CKAP5: variants seen among roughly 807,000 people sequenced by gnomAD.
CKAP5 encodes cytoskeleton associated protein 5.
Under a neutral mutation model 232.8 loss-of-function variants are expected in CKAP5, and 27 were observed. That is an observed-to-expected ratio of 0.12 (90% CI 0.09 to 0.16). The LOEUF (loss-of-function observed/expected upper bound fraction) is 0.16, where lower values mean the gene tolerates loss of function less well. Ranked by LOEUF, CKAP5 falls within the 10% of genes least tolerant of loss-of-function variation. The pLI, the probability that CKAP5 is intolerant of heterozygous loss-of-function variation, is 1.00. For missense variants in CKAP5, 1,838 were observed against 2,424.7 expected, an observed-to-expected ratio of 0.76 and a Z score of 5.08; for synonymous variants, 785 against 841.1, an observed-to-expected ratio of 0.93 and a Z score of 1.16.
chr11:46,757,225 G>A (rs2065117066), intron 35 of CKAP5, among the ~76,000 whole-genome samples: 1 of 151,272 alleles, frequency 6.6e-6, no homozygotes, highest in Admixed American at 6.6e-5. Context: ...TGACGCAGTG[G>A]CTCACGCCTG....
At chr11:46,746,200 A>G (rs7938264) in intron 42 of CKAP5, among the ~76,000 whole-genome samples, 152,179 of 152,276 alleles carry the variant, frequency 1, 76,041 homozygotes, top group Middle Eastern at 1. Flanking sequence ...CTAAGCATAG[A>G]ACTGATGAGA....
chr11:46,776,366 A>G lies in CKAP5; in HGVS notation c.2880T>C (p.Ala960=), dbSNP rs545239360. The G allele has an allele frequency of 1.9e-6, 3 of 1,612,210 alleles. No homozygotes were observed. Among genetic ancestry groups the G allele is most frequent in the South Asian group, 2.2e-5 (2 of 90,828 alleles). Residue 960 remains alanine (A), a synonymous_variant, in exon 24 of 44, where the codon GCT becomes GCC. Transcript: ENST00000529230. ...LGDSKNNVRA[A]ALATVNAWAE... ...CCCAAGCATTCACAGTCGCTAGGGCAGCAGCTCGAACATTGTTCTAAATGG... is the reference window on the plus strand; with the variant it reads ...CCCAAGCATTCACAGTCGCTAGGGCGGCAGCTCGAACATTGTTCTAAATGG...
intron 1 of CKAP5, among the ~76,000 whole-genome samples, chr11:46,827,382 C>T (rs760962436): frequency 6.6e-6 from 1 of 152,092 alleles, no homozygotes; most frequent in Non-Finnish European, 1.5e-5. Context: ...GAATCCTGGA[C>T]AATGATACAA....
At chr11:46,749,792 A>T (rs1415318059) in intron 42 of CKAP5, among the ~76,000 whole-genome samples, 4 of 152,016 alleles carry the variant, frequency 2.6e-5, no homozygotes, top group African/African-American at 9.7e-5. Context: ...TTTACTAAAA[A>T]TACAAAAAAT....
At chr11:46,798,562 A>T (rs2134652035) in intron 9 of CKAP5, among the ~76,000 whole-genome samples, 1 of 151,348 alleles carries the variant, frequency 6.6e-6, no homozygotes, top group Non-Finnish European at 1.5e-5. Context: ...CCTGGGCAAC[A>T]CAGCAAGACC....
intron 35 of CKAP5, among the ~76,000 whole-genome samples, chr11:46,756,586 T>C (rs2065111980): frequency 6.6e-6 from 1 of 152,198 alleles, no homozygotes; most frequent in Non-Finnish European, 1.5e-5. Context: ...TTGATGTTAC[T>C]ACCATCTAAT....
intron 13 of CKAP5, among the ~76,000 whole-genome samples, chr11:46,795,327 C>CA (rs35922652): frequency 0.15 from 20,483 of 138,626 alleles, 2,306 homozygotes; most frequent in East Asian, 0.61. Flanking sequence ...GACTCCATCT[C>CA]AAAAAAAAAA....
intron 16 of CKAP5, among the ~76,000 whole-genome samples, chr11:46,786,674 G>A (rs996600027): frequency 2.0e-5 from 3 of 152,164 alleles, no homozygotes; most frequent in Admixed American, 6.6e-5. Flanking sequence ...AAGGTCATGC[G>A]AATATTCAAG....
intron 16 of CKAP5, among the ~76,000 whole-genome samples, chr11:46,784,918 T>C (rs1213796803): frequency 6.6e-6 from 1 of 152,218 alleles, no homozygotes; most frequent in African/African-American, 2.4e-5. Context: ...ACAAGTAATA[T>C]TGCACAGAAA....
chr11:46,768,570 A>G (rs528444578), intron 26 of CKAP5, among the ~76,000 whole-genome samples: 4 of 152,298 alleles, frequency 2.6e-5, no homozygotes, highest in African/African-American at 4.8e-5. Flanking sequence ...GTACTTTAAT[A>G]AAGAGTTTTA....
intron 7 of CKAP5, 135 bp from the exon 8 acceptor site, chr11:46,808,279 C>T: frequency 1.2e-5 from 7 of 570,086 alleles, no homozygotes; most frequent in South Asian, 2.3e-5. Context: ...CAGTGGCTCA[C>T]GCCTGTAATC....
Position 46,810,815 on chromosome 11 carries a change from T to C in CKAP5, c.630+192A>G, listed in dbSNP as rs532417569. On this transcript the variant is annotated intron_variant, in intron 5 of 43. Transcript: ENST00000529230. ...AATTGTAATAAAAAGCCAGAAAGAA[T>C]GTACTTCACACAGATAATAAGTTCT... Among the ~76,000 whole-genome samples, 99 of 152,294 alleles carry C rather than the reference T, an allele frequency of 6.5e-4. 1 individual carries two copies. In the South Asian group the frequency reaches 0.02, roughly 31 times the overall value.
rs745520532 is a variant in CKAP5 at position 46,778,633 on chromosome 11, T to C, written c.2434-34A>G. The C allele has an allele frequency of 1.1e-5, 18 of 1,594,478 alleles. No individual in the cohort carries two copies. In the Admixed American group the frequency reaches 3.0e-4, roughly 27 times the overall value. ...AAATGAATGAGTAAGGCTAATGAAATTTATATAGGATATGGGAACAAACAA... is the reference window on the plus strand; with the variant it reads ...AAATGAATGAGTAAGGCTAATGAAACTTATATAGGATATGGGAACAAACAA... On this transcript the variant is annotated intron_variant, in intron 20 of 43. Coordinates refer to ENST00000529230, the MANE Select transcript of CKAP5 (RefSeq NM_001008938.4).
rs146562949 is a variant in CKAP5, at chr11:46,760,824, C to T, written c.4222-40G>A. 5.4e-5 allele frequency: 83 copies of T among 1,540,290 alleles called. No individual in the cohort carries two copies. In the African/African-American group the frequency reaches 6.3e-4, roughly 12 times the overall value. On this transcript the variant is annotated intron_variant, in intron 32 of 43. Transcript: ENST00000529230. Reference sequence around the variant, plus strand: ...AATTTAGAAACCTAACTGGATAACACAATAATATCTATTTTCATATCAAAA... The same window carrying T: ...AATTTAGAAACCTAACTGGATAACATAATAATATCTATTTTCATATCAAAA...
At chr11:46,767,721 G>A in intron 26 of CKAP5, 58 bp from the exon 27 acceptor site, 1 of 1,076,640 alleles carries the variant, frequency 9.3e-7, no homozygotes. Context: ...TTTTATTTTG[G>A]ACAGGTTAAA....
At chr11:46,822,337 ACTT>A (rs1939553314) in intron 1 of CKAP5, among the ~76,000 whole-genome samples, 1 of 152,130 alleles carries the variant, frequency 6.6e-6, no homozygotes, top group East Asian at 1.9e-4. Flanking sequence ...CCAAATAAGA[ACTT>A]CTTAGATATA....
chr11:46,743,883 C>G lies in CKAP5; in HGVS notation c.*140G>C. On this transcript the variant is annotated 3_prime_UTR_variant, in exon 44 of 44. Coordinates refer to ENST00000529230, the MANE Select transcript of CKAP5 (RefSeq NM_001008938.4). Reference sequence around the variant, plus strand: ...AGAGTATGTACAAATACTTGTGCCACAATGACTCCTCCCCCTAGCTCCACG... The same window carrying G: ...AGAGTATGTACAAATACTTGTGCCAGAATGACTCCTCCCCCTAGCTCCACG... 9.7e-7 allele frequency: 1 copy of G among 1,031,764 alleles called. No individual in the cohort carries two copies. The highest frequency in any genetic ancestry group is 1.4e-6 in the Non-Finnish European group (1 of 698,418). 63.9% of individuals were successfully genotyped at this position (1,031,764 alleles called of 1,614,324 possible).
In CKAP5 at chr11:46,784,612, G is replaced by A. The variant is rs768344282; in HGVS notation, c.2030C>T (p.Thr677Met). ...GCCATCTAATACAACCTGAGCTGACGTTTTGGAAAAATTTCCCTTCTGGGC... is the reference window on the plus strand; with the variant it reads ...GCCATCTAATACAACCTGAGCTGACATTTTGGAAAAATTTCCCTTCTGGGC... Reference protein sequence around the residue: ...LIAQKGNFSKTSAQVVLDGLV... With the variant: ...LIAQKGNFSKMSAQVVLDGLV... The change falls in exon 17 of 44, where the codon ACG becomes ATG. Residue 677 changes from threonine (T) to methionine (M), a missense_variant. Physicochemically the swap from Thr to Met is moderately conservative, Grantham distance 81. Transcript: ENST00000529230. 28 of 1,613,820 alleles carry A rather than the reference G, an allele frequency of 1.7e-5. No homozygotes were observed. Among genetic ancestry groups the A allele is most frequent in the Admixed American group, 1.3e-4 (8 of 59,982 alleles).
At chr11:46,788,035 C>T (rs2065413001) in intron 16 of CKAP5, among the ~76,000 whole-genome samples, 1 of 152,200 alleles carries the variant, frequency 6.6e-6, no homozygotes, top group African/African-American at 2.4e-5. Context: ...CACATTTTCT[C>T]TCTAGCTTAC....
Sources: gnomAD v4.1 joint callset for allele counts (sites outside exome capture counted in the v4.1 genomes callset) on GRCh38, gnomAD v4.1.1 for gene constraint, MANE v1.5 for transcripts, NCBI Gene and HGNC (gene_info 2026-07-23, HGNC 2026-07-21) for gene names.